Variants in NCAM2 observed in about 807,000 individuals in gnomAD.
NCAM2 encodes neural cell adhesion molecule 2, also known as N-CAM-2.
A neutral mutation model predicts 98.1 loss-of-function variants in NCAM2; 30 were observed. The observed-to-expected ratio is 0.31, with a 90% confidence interval of 0.23 to 0.41. The LOEUF is 0.41. Ranked by LOEUF, NCAM2 falls within the 10% of genes least tolerant of loss-of-function variation. The pLI, the probability that NCAM2 is intolerant of heterozygous loss-of-function variation, is 1.00. For synonymous variants in NCAM2, 368 were observed against 342.4 expected (o/e 1.07, Z -0.83); for missense variants, 867 against 1,005.8 (o/e 0.86, Z 1.87).
At chr21:21,123,847 G>GTTTTTTT (rs1569047303) in intron 1 of NCAM2, among the ~76,000 whole-genome samples, 3 of 14,796 alleles carry the variant, frequency 2.0e-4, no homozygotes, top group Admixed American at 1.1e-3. Flanking sequence ...ATTCTTGATT[G>GTTTTTTT]CTTTTTTTTT....
chr21:21,071,924 T>TCTACA (rs571694031), intron 1 of NCAM2, among the ~76,000 whole-genome samples: 245 of 144,700 alleles, frequency 1.7e-3, no homozygotes, highest in African/African-American at 6.2e-3. Flanking sequence ...TCTATCTATA[T>TCTACA]TTTTTTGAGA....
In NCAM2 at chr21:21,284,226, A is replaced by G. The variant is rs540131319; in HGVS notation, c.163A>G (p.Asn55Asp). The change falls in exon 3 of 18, where the codon AAT (asparagine) becomes GAT (aspartate). Residue 55 changes from asparagine to aspartate, a missense_variant. Coordinates refer to ENST00000400546, the MANE Select transcript of NCAM2 (RefSeq NM_004540.5). ...IGEPESIDWY[N>D]PQGEKIISTQ... ...TGAACCTGAAAGTATAGATTGGTAT[A>G]ATCCTCAAGGAGAGAAGATAATTTC... The G allele has an allele frequency of 1.1e-5, 17 of 1,612,428 alleles. No homozygotes were observed. The South Asian group carries it at 1.6e-4, about 16-fold the overall frequency.
At chr21:21,329,537 G>T (rs1432205097) in intron 6 of NCAM2, among the ~76,000 whole-genome samples, 2 of 152,244 alleles carry the variant, frequency 1.3e-5, no homozygotes, top group South Asian at 2.1e-4. Flanking sequence ...ATGCATGACT[G>T]CATTATCCTT....
chr21:21,280,511 T>A (rs2072890090), intron 1 of NCAM2, 67 bp from the exon 2 acceptor site: 1 of 1,071,448 alleles, frequency 9.3e-7, no homozygotes, highest in African/African-American at 1.6e-5. Context: ...GGTTTAGACA[T>A]CATGCATTAA....
chr21:21,438,141 A>G (rs1053905586), intron 12 of NCAM2, among the ~76,000 whole-genome samples: 5 of 152,026 alleles, frequency 3.3e-5, no homozygotes, highest in African/African-American at 1.2e-4. Flanking sequence ...AGCTTTATTT[A>G]TTCTAATTTA....
chr21:21,090,312 G>C (rs2065987373), intron 1 of NCAM2, among the ~76,000 whole-genome samples: 1 of 152,082 alleles, frequency 6.6e-6, no homozygotes, highest in Non-Finnish European at 1.5e-5. Context: ...GTCTAATTCA[G>C]CTTTTTTTTA....
intron 1 of NCAM2, among the ~76,000 whole-genome samples, chr21:21,084,629 C>T (rs898113154): frequency 2.0e-5 from 3 of 152,100 alleles, no homozygotes; most frequent in African/African-American, 4.8e-5. Flanking sequence ...TGTAATAAAA[C>T]ATTAGAAATT....
intron 5 of NCAM2, among the ~76,000 whole-genome samples, chr21:21,316,420 A>T (rs2074219945): frequency 6.6e-6 from 1 of 151,988 alleles, no homozygotes; most frequent in Non-Finnish European, 1.5e-5. Flanking sequence ...GAAACACCAG[A>T]TCATATATTT....
chr21:21,483,767 GT>G (rs1378825458), intron 15 of NCAM2, among the ~76,000 whole-genome samples: 41 of 152,130 alleles, frequency 2.7e-4, no homozygotes, highest in African/African-American at 9.6e-4. Context: ...GAAAAAGTAA[GT>G]CTAAAAAATA....
At chr21:21,113,612 T>C (rs2066496339) in intron 1 of NCAM2, among the ~76,000 whole-genome samples, 2 of 151,994 alleles carry the variant, frequency 1.3e-5, no homozygotes, top group Non-Finnish European at 2.9e-5. Context: ...AAGACTGAGG[T>C]ATTTAGCAGA....
At chr21:21,513,092 G>T (rs571622812) in intron 16 of NCAM2, among the ~76,000 whole-genome samples, 137 of 151,890 alleles carry the variant, frequency 9.0e-4, no homozygotes, top group African/African-American at 3.2e-3. Context: ...TTTCTTAATT[G>T]CCCTGGCTAG....
At chr21:21,077,568 T>C (rs537616128) in intron 1 of NCAM2, among the ~76,000 whole-genome samples, 36 of 152,258 alleles carry the variant, frequency 2.4e-4, no homozygotes, top group African/African-American at 8.4e-4. Flanking sequence ...ACCAGGACCT[T>C]TGCTTTCATG....
chr21:21,052,831 TAGA>T (rs1452826815), intron 1 of NCAM2, among the ~76,000 whole-genome samples: 1 of 152,140 alleles, frequency 6.6e-6, no homozygotes, highest in Non-Finnish European at 1.5e-5. Flanking sequence ...AAAGTGAAAA[TAGA>T]AGTAGATAAT....
intron 8 of NCAM2, among the ~76,000 whole-genome samples, chr21:21,365,854 A>C (rs2075772394): frequency 1.3e-5 from 2 of 152,122 alleles, no homozygotes; most frequent in Admixed American, 6.6e-5. Context: ...ATAGCACCAT[A>C]ATCTATCCAA....
intron 9 of NCAM2, among the ~76,000 whole-genome samples, chr21:21,391,466 G>A (rs763864156): frequency 1.3e-5 from 2 of 152,118 alleles, no homozygotes; most frequent in Non-Finnish European, 2.9e-5. Flanking sequence ...GTATTTTGAA[G>A]TAGAACCTAA....
intron 5 of NCAM2, among the ~76,000 whole-genome samples, chr21:21,304,895 C>T (rs920637134): frequency 2.0e-5 from 3 of 152,196 alleles, no homozygotes; most frequent in African/African-American, 7.2e-5. Flanking sequence ...CTATTATAAA[C>T]CACATTTTAA....
chr21:21,050,360 G>A (rs1236170989), intron 1 of NCAM2, among the ~76,000 whole-genome samples: 1 of 152,144 alleles, frequency 6.6e-6, no homozygotes, highest in African/African-American at 2.4e-5. Context: ...CCATTCATAT[G>A]ATTATTTTTG....
At chr21:21,075,621 G>C (rs2065665643) in intron 1 of NCAM2, among the ~76,000 whole-genome samples, 1 of 152,082 alleles carries the variant, frequency 6.6e-6, no homozygotes, top group African/African-American at 2.4e-5. Context: ...TTATTAAAAT[G>C]AGGAAATTTC....
rs2075842731 is a variant in NCAM2, at chr21:21,368,674, A to G, written c.1045-5189A>G. Among the ~76,000 whole-genome samples the G allele has an allele frequency of 2.0e-5, 3 of 151,762 alleles. No individual in the cohort carries two copies. The South Asian group carries it at 6.2e-4, about 32-fold the overall frequency. ...CTTTCTGTGGGCTCTTTTATTGGGC[A>G]CTAATTCTAATAACAAGGGCTTTAC... On this transcript the variant is annotated intron_variant, in intron 8 of 17. Transcript: ENST00000400546.
Sources: allele counts gnomAD v4.1 joint callset (sites outside exome capture counted in the v4.1 genomes callset), GRCh38; gene constraint gnomAD v4.1.1; transcripts MANE v1.5; gene names NCBI Gene and HGNC (gene_info 2026-07-23, HGNC 2026-07-21).